Variants in TENM2 observed in about 807,000 individuals in gnomAD.
The protein encoded by TENM2 is teneurin-2.
In TENM2, 52 loss-of-function variants were observed where a neutral mutation model predicts 245.2. That is an observed-to-expected ratio of 0.21 (90% CI 0.17 to 0.27). The LOEUF is 0.27. Ranked by LOEUF, TENM2 falls within the 10% of genes least tolerant of loss-of-function variation. TENM2 has a pLI of 1.00. For synonymous variants in TENM2, 1,363 were observed against 1,438.9 expected (o/e 0.95, Z 1.19); for missense variants, 3,046 against 3,666.8 (o/e 0.83, Z 4.37).
the TENM2 span, among the ~76,000 whole-genome samples, chr5:167,235,912 A>G: frequency 1.3e-5 from 2 of 152,328 alleles, no homozygotes; most frequent in South Asian, 4.1e-4. Flanking sequence ...AGAGCTCGGA[A>G]GAGATCAGAT....
chr5:167,356,187 C>CAAAAA (rs58804392), intron 1 of TENM2, among the ~76,000 whole-genome samples: 2 of 74,016 alleles, frequency 2.7e-5, no homozygotes, highest in Admixed American at 2.0e-4. Context: ...GACTCCATCT[C>CAAAAA]AAAAAAAAAA....
At chr5:167,209,691 T>C in the TENM2 span, among the ~76,000 whole-genome samples, 18,783 of 152,058 alleles carry the variant, frequency 0.12, 1,426 homozygotes, top group South Asian at 0.2. Context: ...CCCCATTTTT[T>C]CCCCCACATC....
At chr5:167,261,611 G>A in the TENM2 span, among the ~76,000 whole-genome samples, 1 of 152,096 alleles carries the variant, frequency 6.6e-6, no homozygotes, top group Non-Finnish European at 1.5e-5. Flanking sequence ...TGGGTGGAAG[G>A]TTAAGGGGAC....
intron 5 of TENM2, among the ~76,000 whole-genome samples, chr5:168,008,736 T>C (rs57271872): frequency 0.096 from 14,660 of 152,250 alleles, 970 homozygotes; most frequent in East Asian, 0.27. Context: ...GGCCTTAAGG[T>C]TTCTCTGTTG....
At chr5:168,093,998 C>T (rs992281111) in intron 8 of TENM2, among the ~76,000 whole-genome samples, 1 of 150,970 alleles carries the variant, frequency 6.6e-6, no homozygotes, top group African/African-American at 2.5e-5. Flanking sequence ...CACACAGACA[C>T]ACATACACAT....
At chr5:167,222,943 A>G in the TENM2 span, among the ~76,000 whole-genome samples, 4 of 152,214 alleles carry the variant, frequency 2.6e-5, no homozygotes, top group Admixed American at 2.6e-4. Flanking sequence ...TATAATTTAA[A>G]GTACATGTGA....
chr5:167,602,533 G>C (rs1776711336), intron 2 of TENM2, among the ~76,000 whole-genome samples: 1 of 152,160 alleles, frequency 6.6e-6, no homozygotes, highest in Non-Finnish European at 1.5e-5. Flanking sequence ...AGTAAGCATT[G>C]GGGGTTTGGT....
intron 2 of TENM2, among the ~76,000 whole-genome samples, chr5:167,389,243 A>C (rs1246057550): frequency 7.9e-6 from 1 of 125,960 alleles, no homozygotes; most frequent in Non-Finnish European, 1.6e-5. Context: ...TATATAGTGC[A>C]TTTAAAATAT....
chr5:167,369,331 G>C (rs1258315968), intron 1 of TENM2, among the ~76,000 whole-genome samples: 1 of 152,204 alleles, frequency 6.6e-6, no homozygotes, highest in Non-Finnish European at 1.5e-5. Flanking sequence ...TCCAGAACCA[G>C]ATGTCTGTCA....
chr5:167,952,694 C>T (rs759777855), exon 4 of TENM2: 2 of 1,612,668 alleles, frequency 1.2e-6, no homozygotes, highest in Non-Finnish European at 1.7e-6. Flanking sequence ...TCAACAGGAA[C>T]TCACTGACCA....
chr5:167,306,138 G>C (rs1449266647), intron 1 of TENM2: 2 of 152,194 alleles, frequency 1.3e-5, no homozygotes, highest in East Asian at 1.9e-4. Flanking sequence ...GAGACTCGGA[G>C]TTGTTCAAAC....
At chr5:167,224,432 TA>T in the TENM2 span, among the ~76,000 whole-genome samples, 3 of 152,110 alleles carry the variant, frequency 2.0e-5, no homozygotes, top group Admixed American at 6.6e-5. Context: ...CAACATCATT[TA>T]TTGAAGAAGG....
rs564889692 is a variant in TENM2, at chr5:168,253,575, G to A, written c.7432+5204G>A. 2.2e-4 allele frequency among the ~76,000 whole-genome samples: 34 copies of A among 151,948 alleles called. 1 individual carries two copies. The highest frequency in any genetic ancestry group is 1.9e-3 in the South Asian group (9 of 4,804). On this transcript the variant is annotated intron_variant, in intron 27 of 28. Transcript: ENST00000518659. ...GGAGTAGCTGGAACTACAGGCGCCC[G>A]CCACCACGCCCGGCTAATTGTTTGT... is the stretch of plus-strand genomic sequence containing the variant.
At chr5:167,867,794 G>C (rs975060329) in intron 2 of TENM2, among the ~76,000 whole-genome samples, 4 of 152,100 alleles carry the variant, frequency 2.6e-5, no homozygotes, top group Non-Finnish European at 5.9e-5. Context: ...CTCCATAAAG[G>C]CCACCCAACC....
At chr5:167,871,322 G>A (rs1772807284) in intron 2 of TENM2, among the ~76,000 whole-genome samples, 1 of 152,038 alleles carries the variant, frequency 6.6e-6, no homozygotes, top group African/African-American at 2.4e-5. Flanking sequence ...GCCAAATCCA[G>A]GGCTTCCTCA....
chr5:168,202,757 T>C (rs1345219970), intron 17 of TENM2, among the ~76,000 whole-genome samples: 1 of 152,068 alleles, frequency 6.6e-6, no homozygotes, highest in South Asian at 2.1e-4. Context: ...TTGACACTTC[T>C]ATATCTCAGG....
intron 8 of TENM2, among the ~76,000 whole-genome samples, chr5:168,096,977 T>C (rs1343396334): frequency 1.3e-5 from 2 of 152,128 alleles, no homozygotes; most frequent in African/African-American, 4.8e-5. Flanking sequence ...CATAGAAAGG[T>C]AAATCACAAG....
chr5:168,243,000 C>T (rs997560822), intron 25 of TENM2, among the ~76,000 whole-genome samples: 1 of 152,032 alleles, frequency 6.6e-6, no homozygotes. Context: ...ACCACCATCA[C>T]TACCATCATT....
intron 15 of TENM2, among the ~76,000 whole-genome samples, chr5:168,198,222 G>A (rs2152526046): frequency 8.2e-6 from 1 of 122,510 alleles, no homozygotes; most frequent in Admixed American, 9.5e-5. Context: ...TTGAGACAGA[G>A]TCTCACTCTA....
Sources: gnomAD v4.1 joint callset for allele counts (sites outside exome capture counted in the v4.1 genomes callset) on GRCh38, gnomAD v4.1.1 for gene constraint, MANE v1.5 for transcripts, NCBI Gene and HGNC (gene_info 2026-07-23, HGNC 2026-07-21) for gene names.